NALCN: variants seen among roughly 807,000 people sequenced by gnomAD.
NALCN encodes the protein sodium leak channel NALCN.
In NALCN, 111 loss-of-function variants were observed where a neutral mutation model predicts 225.3. The ratio of observed to expected loss-of-function variants is 0.49; its 90% confidence interval spans 0.42 to 0.58. The LOEUF (loss-of-function observed/expected upper bound fraction) is 0.58, where lower values mean the gene tolerates loss of function less well. Among genes scored for constraint, NALCN ranks in the 20% least tolerant of loss-of-function variants. NALCN has a pLI of 0.00. For synonymous variants in NALCN, 764 were observed against 769.0 expected, an observed-to-expected ratio of 0.99 and a Z score of 0.11; for missense variants, 1,378 against 2,202.4, an observed-to-expected ratio of 0.63 and a Z score of 7.49.
intron 7 of NALCN, among the ~76,000 whole-genome samples, chr13:101,312,421 C>G (rs1256815106): frequency 1.3e-5 from 2 of 151,846 alleles, no homozygotes; most frequent in Non-Finnish European, 2.9e-5. Flanking sequence ...TGTGTTTGCT[C>G]TTGCTTTTCT....
chr13:101,065,296 T>C, intron 40 of NALCN, 108 bp downstream of exon 40: 1 of 1,189,732 alleles, frequency 8.4e-7, no homozygotes, highest in East Asian at 2.4e-5. Context: ...ACAGCAGATG[T>C]GGCATTTTGG....
chr13:101,378,121 C>A (rs992042670), intron 4 of NALCN, among the ~76,000 whole-genome samples: 2 of 151,832 alleles, frequency 1.3e-5, no homozygotes, highest in Non-Finnish European at 2.9e-5. Flanking sequence ...TCCTTCATTT[C>A]AGGGAATATA....
At chr13:101,080,970 T>C (rs1342164149) in intron 34 of NALCN, among the ~76,000 whole-genome samples, 1 of 152,028 alleles carries the variant, frequency 6.6e-6, no homozygotes, top group African/African-American at 2.4e-5. Flanking sequence ...GAAGGCACTT[T>C]AGGTAAAATA....
rs546787882 is a variant in NALCN at position 101,109,159 on chromosome 13, T to G, written c.2365-1370A>C. On this transcript the variant is annotated intron_variant, in intron 20 of 43. Coordinates refer to ENST00000251127, the MANE Select transcript of NALCN (RefSeq NM_052867.4). ...AGGCGCTTTGAATGAGGGTTGCCTC[T>G]TTGACTTTTCACCTGAAAATGTTCT... Among the ~76,000 whole-genome samples the G allele has an allele frequency of 4.6e-5, 7 of 152,360 alleles. No homozygotes were observed. The East Asian group carries it at 1.4e-3, about 29-fold the overall frequency.
chr13:101,182,986 T>C (rs1006081660), intron 14 of NALCN, among the ~76,000 whole-genome samples: 2 of 152,154 alleles, frequency 1.3e-5, no homozygotes, highest in South Asian at 4.1e-4. Context: ...GCAATGTGGA[T>C]TTGGACTGAA....
Position 101,059,923 on chromosome 13 carries a change from A to ACT in NALCN, c.4798_4799dup (p.Ser1600ArgfsTer7). 1.2e-6 allele frequency: 2 copies of ACT among 1,612,344 alleles called. No individual in the cohort carries two copies. The highest frequency in any genetic ancestry group is 1.7e-6 in the Non-Finnish European group (2 of 1,179,560). ...GAAACCGGCTCAGCTCTTGCTGCTG[A>ACT]CTCTCTCTCAGGCTGTGGATGATAC... is the stretch of plus-strand genomic sequence containing the variant. On this transcript the variant is annotated frameshift_variant, in exon 42 of 44. Transcript: ENST00000251127. LOFTEE classifies it high-confidence loss of function.
intron 3 of NALCN, among the ~76,000 whole-genome samples, chr13:101,391,477 G>A (rs781310594): frequency 2.7e-5 from 4 of 149,978 alleles, no homozygotes; most frequent in Non-Finnish European, 4.4e-5. Flanking sequence ...GAGTCTGGGA[G>A]TTGGAGACCA....
chr13:101,387,482 T>C (rs942178576), intron 3 of NALCN, among the ~76,000 whole-genome samples: 2 of 152,148 alleles, frequency 1.3e-5, no homozygotes, highest in African/African-American at 2.4e-5. Context: ...AAGATTAAAA[T>C]AGAACATGTA....
intron 7 of NALCN, among the ~76,000 whole-genome samples, chr13:101,302,699 T>G (rs1347198001): frequency 6.6e-6 from 1 of 152,142 alleles, no homozygotes; most frequent in South Asian, 2.1e-4. Flanking sequence ...TAAAACTGAA[T>G]AGAAAATGTT....
Position 101,104,707 on chromosome 13 carries a change from A to C in NALCN, c.2637-57T>G. ...AAAGGTTCCAGGAAAGGCTTCTAAG[A>C]GTTAGAGATGATGGCTTCTGTGGCT... On this transcript the variant is annotated intron_variant, in intron 23 of 43. Transcript: ENST00000251127. This position sits in a 1 kb window ranked among gnomAD's most constrained non-coding sequence, Gnocchi z 4.2. The C allele has an allele frequency of 1.9e-6, 3 of 1,605,472 alleles. No individual in the cohort carries two copies. Among genetic ancestry groups the C allele is most frequent in the Non-Finnish European group, 1.7e-6 (2 of 1,174,932 alleles).
At chr13:101,271,675 T>G (rs991138452) in intron 10 of NALCN, among the ~76,000 whole-genome samples, 2 of 151,672 alleles carry the variant, frequency 1.3e-5, no homozygotes, top group African/African-American at 4.9e-5. Context: ...TATGTACAAG[T>G]GTGTTTGTGC....
At chr13:101,365,024 T>C (rs529717400) in intron 6 of NALCN, among the ~76,000 whole-genome samples, 2 of 152,230 alleles carry the variant, frequency 1.3e-5, no homozygotes, top group East Asian at 3.9e-4. Context: ...TTCCAGTATG[T>C]TTCCATTTGT....
rs1451457350 is a variant in NALCN, at chr13:101,104,168, T to C, written c.2889+127A>G. 3.6e-6 allele frequency: 4 copies of C among 1,105,302 alleles called. No homozygotes were observed. The highest frequency in any genetic ancestry group is 5.1e-6 in the Non-Finnish European group (4 of 784,260). 68.5% of individuals were successfully genotyped at this position (1,105,302 alleles called of 1,614,324 possible). A position where few individuals can be genotyped will look rare whatever the true frequency, so the allele number is the denominator to read the frequency against. On this transcript the variant is annotated intron_variant, in intron 25 of 43. Transcript: ENST00000251127. This position sits in a 1 kb window ranked among gnomAD's most constrained non-coding sequence, Gnocchi z 4.2. ...TTGCATATAATGAACTACTCTAGAG[T>C]CCATTTAAGAATTCGGTTAGGGAAT...
chr13:101,062,435 C>T (rs2032028036), intron 40 of NALCN, among the ~76,000 whole-genome samples: 1 of 152,058 alleles, frequency 6.6e-6, no homozygotes, highest in Admixed American at 6.6e-5. Flanking sequence ...TAGGAAAAGG[C>T]TCGCGACTTT....
intron 13 of NALCN, among the ~76,000 whole-genome samples, chr13:101,215,755 G>A (rs1174769450): frequency 6.6e-6 from 1 of 151,892 alleles, no homozygotes; most frequent in Non-Finnish European, 1.5e-5. Flanking sequence ...TGCACAACGT[G>A]CAGGTTTGTT....
intron 3 of NALCN, among the ~76,000 whole-genome samples, chr13:101,382,093 C>T (rs1017173367): frequency 1.3e-5 from 2 of 152,114 alleles, no homozygotes; most frequent in Admixed American, 6.5e-5. Flanking sequence ...TTTTTCAAAA[C>T]AGTATTACTA....
At chr13:101,386,250 C>T (rs570374056) in intron 3 of NALCN, among the ~76,000 whole-genome samples, 11 of 152,240 alleles carry the variant, frequency 7.2e-5, no homozygotes, top group African/African-American at 2.6e-4. Flanking sequence ...TATTAGTTTT[C>T]CCATATAAAT....
chr13:101,071,459 C>T (rs1388190006), intron 37 of NALCN, among the ~76,000 whole-genome samples: 3 of 152,218 alleles, frequency 2.0e-5, no homozygotes, highest in African/African-American at 7.2e-5. Flanking sequence ...GCAGCACTTA[C>T]ACTTTCATAT....
In NALCN at chr13:101,107,539, C is replaced by G. The variant is rs767624102; in HGVS notation, c.2527G>C (p.Glu843Gln). The change falls in exon 22 of 44, where the codon GAA becomes CAA. Residue 843 changes from glutamate (E) to glutamine (Q), a missense_variant. Glu to Gln is a conservative substitution (Grantham distance 29). Coordinates refer to ENST00000251127, the MANE Select transcript of NALCN (RefSeq NM_052867.4). ...CGGCAAAAGTTTCTGAACCTGTGTTCTCGCCCGACAATGAACAGTGGCTTA... is the reference window on the plus strand; with the variant it reads ...CGGCAAAAGTTTCTGAACCTGTGTTGTCGCCCGACAATGAACAGTGGCTTA... ...FDKPLFIVGR[E>Q]HRFRNFCRVV... The G allele has an allele frequency of 6.2e-7, 1 of 1,614,176 alleles. No homozygotes were observed. The highest frequency in any genetic ancestry group is 8.5e-7 in the Non-Finnish European group (1 of 1,179,998).
Sources: allele counts gnomAD v4.1 joint callset (sites outside exome capture counted in the v4.1 genomes callset), GRCh38; gene constraint gnomAD v4.1.1; non-coding constraint Gnocchi (gnomAD v3.1); transcripts MANE v1.5; gene names NCBI Gene and HGNC (gene_info 2026-07-23, HGNC 2026-07-21).